LBP: variants seen among roughly 807,000 people sequenced by gnomAD.
LBP encodes the protein lipopolysaccharide-binding protein.
A neutral mutation model predicts 56.6 loss-of-function variants in LBP; 53 were observed. That is an observed-to-expected ratio of 0.94 (90% CI 0.75 to 1.18). The LOEUF is 1.18. LBP is among the 50% of genes most tolerant of loss of function. LBP has a pLI of 0.00. For missense variants in LBP, 601 were observed against 598.3 expected, an observed-to-expected ratio of 1.00 and a Z score of -0.05; for synonymous variants, 227 against 247.5, an observed-to-expected ratio of 0.92 and a Z score of 0.78.
In LBP at chr20:38,364,636, C is replaced by T; in HGVS notation, c.805C>T (p.Leu269Phe). The T allele has an allele frequency of 6.2e-7, 1 of 1,614,118 alleles. No individual in the cohort carries two copies. The change falls in exon 8 of 15, where the codon CTT becomes TTT. Residue 269 changes from leucine (L) to phenylalanine (F), a missense_variant. Physicochemically the swap from Leu to Phe is conservative, Grantham distance 22. Transcript: ENST00000217407. ...PVTLLAAVMS[L>F]PEEHNKMVYF... ...TACCCTCCTTGCTGCAGTCATGAGC[C>T]TTCCTGAGGAACACAACAAAATGGT...
chr20:38,367,868 T>C (rs2076887633), intron 9 of LBP, among the ~76,000 whole-genome samples: 1 of 152,102 alleles, frequency 6.6e-6, no homozygotes, highest in Non-Finnish European at 1.5e-5. Flanking sequence ...CTATCTCTAG[T>C]ACACAGAAAA....
In LBP at chr20:38,363,963, C is replaced by A; in HGVS notation, c.653-12C>A. The A allele has an allele frequency of 6.2e-7, 1 of 1,602,686 alleles. No homozygotes were observed. Among genetic ancestry groups the A allele is most frequent in the Non-Finnish European group, 8.5e-7 (1 of 1,169,708 alleles). On this transcript the variant is annotated splice_polypyrimidine_tract_variant and intron_variant, in intron 6 of 14. Transcript: ENST00000217407. The stretch of plus-strand genomic sequence containing the variant: ...CATCTGGCCCCTAATTCTGCCCTGT[C>A]CTCATTCACAGTTACAACAGAGATT...
intron 10 of LBP, 140 bp from the exon 11 acceptor site, chr20:38,370,598 T>A (rs1310365118): frequency 1.4e-6 from 1 of 708,940 alleles, no homozygotes; most frequent in Non-Finnish European, 2.6e-6. Flanking sequence ...CTTCTGGGAG[T>A]CTATGATCTA....
chr20:38,373,509 C>G (rs1194284753), intron 13 of LBP, among the ~76,000 whole-genome samples: 7 of 152,222 alleles, frequency 4.6e-5, no homozygotes, highest in Non-Finnish European at 1.0e-4. Context: ...GCCCAACTGC[C>G]TAGTCAAAAA....
chr20:38,360,302 G>A (rs2076855344), intron 5 of LBP, among the ~76,000 whole-genome samples: 1 of 151,758 alleles, frequency 6.6e-6, no homozygotes, highest in Non-Finnish European at 1.5e-5. Context: ...TTAACTGTAT[G>A]TTTATTTGTG....
intron 7 of LBP, 60 bp downstream of exon 7, chr20:38,364,126 T>G: frequency 8.9e-7 from 1 of 1,127,106 alleles, no homozygotes; most frequent in South Asian, 1.3e-5. Flanking sequence ...AGCCATTCTT[T>G]GGGCCACCTG....
chr20:38,347,022 C>T (rs971680962), intron 1 of LBP, among the ~76,000 whole-genome samples: 4 of 152,064 alleles, frequency 2.6e-5, no homozygotes, highest in Non-Finnish European at 4.4e-5. Context: ...GAAAATTCTG[C>T]GTAAAGTTTG....
chr20:38,364,180 G>A (rs1374672640), intron 7 of LBP, 114 bp downstream of exon 7: 30 of 728,248 alleles, frequency 4.1e-5, no homozygotes, highest in South Asian at 3.7e-4. Context: ...AGTGGTTCCC[G>A]CTTTGTCAAG....
Position 38,350,801 on chromosome 20 carries a change from C to G in LBP, c.240-10C>G. Reference sequence around the variant, plus strand: ...AGGGCTGACACCTCCTTCCATGTCTCTCCCTTCAGCCTGAACATCCACAGC... The same window carrying G: ...AGGGCTGACACCTCCTTCCATGTCTGTCCCTTCAGCCTGAACATCCACAGC... On this transcript the variant is annotated splice_polypyrimidine_tract_variant and intron_variant, in intron 2 of 14. Transcript: ENST00000217407. The G allele has an allele frequency of 1.3e-6, 2 of 1,597,618 alleles. No homozygotes were observed. Among genetic ancestry groups the G allele is most frequent in the Non-Finnish European group, 1.7e-6 (2 of 1,167,934 alleles).
intron 8 of LBP, among the ~76,000 whole-genome samples, chr20:38,366,407 G>A (rs2076882115): frequency 6.6e-6 from 1 of 152,206 alleles, no homozygotes; most frequent in Non-Finnish European, 1.5e-5. Flanking sequence ...GTGACTCGAA[G>A]GTGGGGACTA....
At chr20:38,350,539 G>C (rs937069044) in intron 2 of LBP, among the ~76,000 whole-genome samples, 1 of 152,186 alleles carries the variant, frequency 6.6e-6, no homozygotes, top group African/African-American at 2.4e-5. Context: ...CTGCAAAACC[G>C]TGAGCAATTG....
At chr20:38,352,449 C>CAAAA (rs2076823662) in intron 3 of LBP, among the ~76,000 whole-genome samples, 1 of 152,114 alleles carries the variant, frequency 6.6e-6, no homozygotes, top group Non-Finnish European at 1.5e-5. Context: ...GATTAAAAAA[C>CAAAA]AAACAAACAA....
chr20:38,346,625 A>C lies in LBP; in HGVS notation c.109A>C (p.Lys37Gln). 1 of 1,613,432 alleles carries C rather than the reference A, an allele frequency of 6.2e-7. No individual in the cohort carries two copies. The highest frequency in any genetic ancestry group is 8.5e-7 in the Non-Finnish European group (1 of 1,179,894). ...NPGLVARITD[K>Q]GLQYAAQEGL... Reference sequence around the variant, plus strand: ...CGGCTTGGTCGCCAGGATCACCGACAAGGGACTGCAGTATGGTAAGAAGCC... The same window carrying C: ...CGGCTTGGTCGCCAGGATCACCGACCAGGGACTGCAGTATGGTAAGAAGCC... Residue 37 changes from lysine (K) to glutamine (Q), a missense_variant, in exon 1 of 15, where the codon AAG (lysine) becomes CAG (glutamine). Coordinates refer to ENST00000217407, the MANE Select transcript of LBP (RefSeq NM_004139.5).
At chr20:38,367,499 C>G (rs1216039124) in intron 9 of LBP, among the ~76,000 whole-genome samples, 1 of 152,094 alleles carries the variant, frequency 6.6e-6, no homozygotes, top group Non-Finnish European at 1.5e-5. Flanking sequence ...GAAATAAATT[C>G]TCAAGGTTCA....
chr20:38,355,229 C>T (rs1373395117), intron 4 of LBP, 117 bp from the exon 5 acceptor site: 9 of 872,708 alleles, frequency 1.0e-5, no homozygotes, highest in South Asian at 2.8e-5. Flanking sequence ...AGCAGGGCGC[C>T]GGGAAGGGGT....
At chr20:38,370,705 C>T (rs1481653399) in intron 10 of LBP, 33 bp from the exon 11 acceptor site, 4 of 1,594,912 alleles carry the variant, frequency 2.5e-6, no homozygotes, top group African/African-American at 2.7e-5. Context: ...ACCTTCATCA[C>T]TTACACCTGC....
intron 3 of LBP, 112 bp from the exon 4 acceptor site, chr20:38,354,172 C>G (rs1238351353): frequency 1.2e-6 from 1 of 805,180 alleles, no homozygotes; most frequent in Non-Finnish European, 1.9e-6. Flanking sequence ...ATTCTTAAAT[C>G]TCTGCTCAGC....
chr20:38,372,851 A>G (rs1376465585), intron 12 of LBP, among the ~76,000 whole-genome samples: 1 of 152,210 alleles, frequency 6.6e-6, no homozygotes, highest in Non-Finnish European at 1.5e-5. Flanking sequence ...TCAAATGTTG[A>G]TGTTCTTCCT....
At chr20:38,366,722 G>T (rs1175423715) in intron 8 of LBP, 47 bp from the exon 9 acceptor site, 1 of 1,561,292 alleles carries the variant, frequency 6.4e-7, no homozygotes. Context: ...TAGACCTTCA[G>T]CTCCAGCGGG....
Sources: allele counts gnomAD v4.1 joint callset (sites outside exome capture counted in the v4.1 genomes callset), GRCh38; gene constraint gnomAD v4.1.1; transcripts MANE v1.5; gene names NCBI Gene and HGNC (gene_info 2026-07-23, HGNC 2026-07-21).